CRACR2A: variants seen among roughly 807,000 people sequenced by gnomAD.
The protein encoded by CRACR2A is EF-hand calcium-binding domain-containing protein 4B.
CRACR2A carries 79 observed loss-of-function variants against 90.5 expected under a neutral mutation model. The observed-to-expected ratio is 0.87, with a 90% CI of 0.73 to 1.05. CRACR2A has a LOEUF of 1.05. Among genes scored for constraint, CRACR2A ranks in the 50% least tolerant of loss-of-function variants. The pLI is 0.00. For missense variants in CRACR2A, 823 were observed against 897.2 expected, an observed-to-expected ratio of 0.92 and a Z score of 1.06; for synonymous variants, 338 against 356.7, an observed-to-expected ratio of 0.95 and a Z score of 0.59.
chr12:3,650,240 C>T (rs1424258864), intron 10 of CRACR2A, among the ~76,000 whole-genome samples: 1 of 152,208 alleles, frequency 6.6e-6, no homozygotes, highest in Non-Finnish European at 1.5e-5. Context: ...GCAAAAACTG[C>T]ACCAACATGC....
At chr12:3,670,147 C>T (rs1173073178) in intron 7 of CRACR2A, among the ~76,000 whole-genome samples, 6 of 152,124 alleles carry the variant, frequency 3.9e-5, no homozygotes, top group Admixed American at 3.3e-4. Flanking sequence ...AGTGCTGGTT[C>T]GATGCTAGCT....
At chr12:3,648,404 G>A in intron 11 of CRACR2A, 138 bp downstream of exon 11, 7 of 1,566,968 alleles carry the variant, frequency 4.5e-6, no homozygotes, top group Admixed American at 1.7e-5. Flanking sequence ...CACTGCACTG[G>A]GGACCAAGGG....
chr12:3,690,006 C>T (rs961705793), intron 4 of CRACR2A, among the ~76,000 whole-genome samples: 1 of 151,858 alleles, frequency 6.6e-6, no homozygotes, highest in Non-Finnish European at 1.5e-5. Flanking sequence ...TTGCCTTTGC[C>T]ATTACTAATT....
chr12:3,680,323 G>A lies in CRACR2A; in HGVS notation c.255C>T (p.Ser85=). 1 of 1,614,138 alleles carries A rather than the reference G, an allele frequency of 6.2e-7. No individual in the cohort carries two copies. Among genetic ancestry groups the A allele is most frequent in the Non-Finnish European group, 8.5e-7 (1 of 1,179,988 alleles). ...MQRLHKELPL[S]LEELEDVFDA... ...CAAACACATCCTCCAGTTCCTCCAG[G>A]CTGAGCGGTAGCTCCTTATGCAGCC... is the stretch of plus-strand genomic sequence containing the variant. Residue 85 remains serine (S), a synonymous_variant, in exon 5 of 20, where the codon AGC becomes AGT. Coordinates refer to ENST00000440314, the MANE Select transcript of CRACR2A (RefSeq NM_001144958.2).
rs1945396480 is a variant in CRACR2A, at chr12:3,679,100, TG to T, written c.341-3del. 6.2e-7 allele frequency: 1 copy of T among 1,610,780 alleles called. No homozygotes were observed. Among genetic ancestry groups the T allele is most frequent in the Non-Finnish European group, 8.5e-7 (1 of 1,178,610 alleles). On this transcript the variant is annotated splice_polypyrimidine_tract_variant and splice_region_variant and intron_variant, in intron 5 of 19. Coordinates refer to ENST00000440314, the MANE Select transcript of CRACR2A (RefSeq NM_001144958.2). ...TATTCTGGCTGAAGAAGAAGTGACC[TG>T]GGGGGTGCAGGGCACAAGGATCCGA...
chr12:3,658,129 G>C (rs750373126), intron 8 of CRACR2A, among the ~76,000 whole-genome samples: 8 of 152,182 alleles, frequency 5.3e-5, no homozygotes, highest in Non-Finnish European at 8.8e-5. Flanking sequence ...GGAGAAGGAG[G>C]GAGCAGAAGG....
At chr12:3,629,850 G>C (rs1290126340) in intron 15 of CRACR2A, among the ~76,000 whole-genome samples, 3 of 14,462 alleles carry the variant, frequency 2.1e-4, no homozygotes, top group South Asian at 1.7e-3. Context: ...AAAAGACAAG[G>C]GGGGGGGGGG....
rs114310958 is a variant in CRACR2A, at chr12:3,746,939, C to T, written c.-387+6076G>A. 1.3e-5 allele frequency among the ~76,000 whole-genome samples: 2 copies of T among 152,230 alleles called. No individual in the cohort carries two copies. Among genetic ancestry groups the T allele is most frequent in the Non-Finnish European group, 2.9e-5 (2 of 68,044 alleles). On this transcript the variant is annotated intron_variant, in intron 1 of 19. Transcript: ENST00000440314. The surrounding 1 kb of genome is among the most constrained non-coding windows in gnomAD (Gnocchi z 4.4). The stretch of plus-strand genomic sequence containing the variant: ...ACCATGACCCATGGGATCACATGTG[C>T]GTGGACCACGTGCTTCCTCACATCC...
chr12:3,679,040 G>A lies in CRACR2A; in HGVS notation c.399C>T (p.Ala133=). The change falls in exon 6 of 20, where the codon GCC becomes GCT. Residue 133 remains alanine, a synonymous_variant. Coordinates refer to ENST00000440314, the MANE Select transcript of CRACR2A (RefSeq NM_001144958.2). ...PSQEDAGEQV[A]QRHEEKVYLS... The stretch of plus-strand genomic sequence containing the variant: ...GATACACCTTCTCTTCATGGCGCTG[G>A]GCCACCTGTTCACCTGCATCTTCCT... The A allele has an allele frequency of 6.2e-7, 1 of 1,613,804 alleles. No individual in the cohort carries two copies. The highest frequency in any genetic ancestry group is 1.3e-5 in the African/African-American group (1 of 74,984).
intron 11 of CRACR2A, chr12:3,648,280 C>T (rs1944726869): frequency 1.1e-5 from 15 of 1,396,982 alleles, no homozygotes; most frequent in Middle Eastern, 2.7e-4. Flanking sequence ...AAGCACAGTC[C>T]TGTGAGGGAC....
Position 3,638,115 on chromosome 12 carries a change from T to C in CRACR2A, c.1602+9A>G. On this transcript the variant is annotated intron_variant, in intron 14 of 19. Transcript: ENST00000440314. ...GATGTGCATGAACCAAGGTAGGCTG[T>C]GCCCTTACCTTACACAGGGCTTCTT... The C allele has an allele frequency of 1.3e-6, 2 of 1,535,142 alleles. No homozygotes were observed. The highest frequency in any genetic ancestry group is 1.2e-5 in the South Asian group (1 of 83,186).
rs537681240 is a variant in CRACR2A at position 3,729,158 on chromosome 12, A to G, written c.-118+3784T>C. The G allele has an allele frequency of 2.6e-5, 4 of 152,246 alleles. No individual in the cohort carries two copies. The East Asian group carries it at 5.8e-4, about 22-fold the overall frequency. The allele number at this position is 152,246 out of a possible 1,614,324, so 9.4% of individuals were successfully genotyped here. A position where few individuals can be genotyped will look rare whatever the true frequency, so the allele number is the denominator to read the frequency against. On this transcript the variant is annotated intron_variant, in intron 2 of 19. Transcript: ENST00000440314. Reference sequence around the variant, plus strand: ...CTGGCATTCAGAAGGTGCTCAATACATGTTCTTGGATTGAAAGAGCAAAAG... The same window carrying G: ...CTGGCATTCAGAAGGTGCTCAATACGTGTTCTTGGATTGAAAGAGCAAAAG...
At chr12:3,703,581 T>C (rs1945868533) in intron 3 of CRACR2A, among the ~76,000 whole-genome samples, 1 of 152,220 alleles carries the variant, frequency 6.6e-6, no homozygotes, top group African/African-American at 2.4e-5. Flanking sequence ...TTGGTCTTCA[T>C]CAAAATTTGA....
chr12:3,680,444 A>G, intron 4 of CRACR2A, 95 bp from the exon 5 acceptor site: 1 of 975,674 alleles, frequency 1.0e-6, no homozygotes, highest in Non-Finnish European at 1.6e-6. Context: ...AAGTGTCTAG[A>G]GTTCGGCCCA....
At chr12:3,737,499 C>T (rs1480235437) in intron 1 of CRACR2A, among the ~76,000 whole-genome samples, 1 of 152,088 alleles carries the variant, frequency 6.6e-6, no homozygotes, top group East Asian at 1.9e-4. Context: ...ACTTTGGCTG[C>T]TTGTGGGGAA....
At chr12:3,717,296 A>C (rs890369403) in intron 2 of CRACR2A, among the ~76,000 whole-genome samples, 1 of 152,158 alleles carries the variant, frequency 6.6e-6, no homozygotes, top group Non-Finnish European at 1.5e-5. Flanking sequence ...GCTGGTTTCT[A>C]AGTGTCTCTC....
At chr12:3,735,958 G>A (rs1322555874) in intron 1 of CRACR2A, among the ~76,000 whole-genome samples, 1 of 152,168 alleles carries the variant, frequency 6.6e-6, no homozygotes, top group Admixed American at 6.5e-5. Flanking sequence ...GACCATGAAT[G>A]CTGCAAAGAG....
At chr12:3,692,222 G>C (rs1485063483) in intron 4 of CRACR2A, among the ~76,000 whole-genome samples, 1 of 152,192 alleles carries the variant, frequency 6.6e-6, no homozygotes, top group Non-Finnish European at 1.5e-5. Context: ...CTGGCTTTTT[G>C]AGTTGTCAGA....
intron 1 of CRACR2A, among the ~76,000 whole-genome samples, chr12:3,736,385 T>C (rs1946449988): frequency 1.3e-5 from 2 of 151,826 alleles, no homozygotes; most frequent in South Asian, 4.2e-4. Context: ...AGATTGGAAA[T>C]TCTACAGGAA....
Sources: allele counts gnomAD v4.1 joint callset (sites outside exome capture counted in the v4.1 genomes callset), GRCh38; gene constraint gnomAD v4.1.1; non-coding constraint Gnocchi (gnomAD v3.1); transcripts MANE v1.5; gene names NCBI Gene and HGNC (gene_info 2026-07-23, HGNC 2026-07-21).